The following LPCAT3 variants were observed in gnomAD, a reference collection of about 807,000 sequenced individuals.
The protein encoded by LPCAT3 is lysophosphatidylcholine acyltransferase 3, also known as lysophospholipid acyltransferase 5.
A neutral mutation model predicts 63.4 loss-of-function variants in LPCAT3; 21 were observed. That is an observed-to-expected ratio of 0.33 (90% CI 0.23 to 0.48). The LOEUF is 0.48. LPCAT3 is among the 20% of genes least tolerant of loss of function. The probability of loss-of-function intolerance (pLI) is 0.99; values close to 1 mark genes in which losing one functional copy is unlikely to be tolerated. For synonymous variants in LPCAT3, 242 were observed against 227.5 expected, an observed-to-expected ratio of 1.06 and a Z score of -0.58; for missense variants, 451 against 590.6, an observed-to-expected ratio of 0.76 and a Z score of 2.45.
chr12:7,012,953 G>A (rs1946773781), intron 1 of LPCAT3, among the ~76,000 whole-genome samples: 1 of 152,164 alleles, frequency 6.6e-6, no homozygotes, highest in Non-Finnish European at 1.5e-5. Flanking sequence ...ACCTATTCAA[G>A]TATTTATCGA....
At chr12:7,009,291 C>G (rs997095254) in intron 1 of LPCAT3, among the ~76,000 whole-genome samples, 1 of 152,190 alleles carries the variant, frequency 6.6e-6, no homozygotes, top group Non-Finnish European at 1.5e-5. Context: ...CAACTCCTGA[C>G]CTCAGGTGAT....
At chr12:7,006,528 C>T (rs782312914) in intron 1 of LPCAT3, among the ~76,000 whole-genome samples, 1 of 152,144 alleles carries the variant, frequency 6.6e-6, no homozygotes, top group African/African-American at 2.4e-5. Flanking sequence ...CGATGGTATA[C>T]ATTTTAAAAA....
chr12:6,977,054 T>G lies in LPCAT3; in HGVS notation c.*12+80A>C, dbSNP rs73264615. ...TAATCCTTGGAATTCACCCCAGATT[T>G]CTAATACTATTGTTTTTTTCCAGTC... On this transcript the variant is annotated intron_variant, in intron 12 of 12. Transcript: ENST00000261407. This position sits in a 1 kb window ranked among gnomAD's most constrained non-coding sequence, Gnocchi z 4.5. The G allele has an allele frequency of 5.3e-3, 4,771 of 895,414 alleles. 161 individuals are homozygous for G. In the African/African-American group the frequency reaches 0.069, roughly 13 times the overall value. 55.5% of individuals were successfully genotyped at this position (895,414 alleles called of 1,614,324 possible).
chr12:6,981,221 G>C lies in LPCAT3; in HGVS notation c.499-39C>G, dbSNP rs782526751. On this transcript the variant is annotated intron_variant, in intron 5 of 12. Transcript: ENST00000261407. ...AGAATGCATGGTTCAGGATAGCCTT[G>C]AATCTCCCCACAAGAGCCACTTTGA... The C allele has an allele frequency of 1.2e-5, 18 of 1,536,556 alleles. 1 individual carries two copies. Among genetic ancestry groups the C allele is most frequent in the South Asian group, 2.5e-5 (2 of 81,282 alleles).
intron 6 of LPCAT3, 189 bp downstream of exon 6, chr12:6,980,815 T>C: frequency 4.3e-6 from 2 of 460,430 alleles, no homozygotes; most frequent in East Asian, 3.4e-5. Flanking sequence ...AGTGTTAGAA[T>C]GGATAACTGG....
intron 6 of LPCAT3, chr12:6,980,075 C>A (rs1268459680): frequency 2.0e-5 from 3 of 148,724 alleles, no homozygotes; most frequent in African/African-American, 7.7e-5. Context: ...AGAGTCAGGG[C>A]CTTGCTCTGC....
At position 7,005,837 on chromosome 12, in the gene LPCAT3, C is replaced by T. The variant is rs1946721827; in HGVS notation, c.151+12437G>A. Among the ~76,000 whole-genome samples, 6 of 152,214 alleles carry T rather than the reference C, an allele frequency of 3.9e-5. No individual in the cohort carries two copies. In the South Asian group the frequency reaches 1.2e-3, roughly 32 times the overall value. On this transcript the variant is annotated intron_variant, in intron 1 of 12. Coordinates refer to ENST00000261407, the MANE Select transcript of LPCAT3 (RefSeq NM_005768.6). ...ATCTGAATACTAGACTTATGATTTACAAATATTTTCTCCTATTCTGTGGGA... is the reference window on the plus strand; with the variant it reads ...ATCTGAATACTAGACTTATGATTTATAAATATTTTCTCCTATTCTGTGGGA...
rs1555154285 is a variant in LPCAT3 at position 6,982,698 on chromosome 12, A to T, written c.344T>A (p.Leu115His). Residue 115 changes from leucine to histidine, a missense_variant, in exon 3 of 13, where the codon CTC (leucine) becomes CAC (histidine). This residue lies in a region of LPCAT3 where 133 missense variants were observed against 152.1 expected (regional missense o/e 0.87). Transcript: ENST00000261407. The stretch of plus-strand genomic sequence containing the variant: ...TACCATCTGGAAGCAAAAGGTAGTG[A>T]GGACGGCAGTGATGGTGCGGCCCAT... The part of the protein sequence containing the change: ...RLMGRTITAV[L>H]TTFCFQMAYL... 2 of 1,613,280 alleles carry T rather than the reference A, an allele frequency of 1.2e-6. No homozygotes were observed. Among genetic ancestry groups the T allele is most frequent in the African/African-American group, 2.7e-5 (2 of 74,918 alleles).
rs1946679777 is a variant in LPCAT3, at chr12:7,000,802, G to A, written c.152-17263C>T. ...GCTCACTGCAAGCTCCGCCTCCCGG[G>A]TTCACGCCATTCTCCTGCCTCAGCC... On this transcript the variant is annotated intron_variant, in intron 1 of 12. Transcript: ENST00000261407. Among the ~76,000 whole-genome samples, 3 of 151,502 alleles carry A rather than the reference G, an allele frequency of 2.0e-5. No individual in the cohort carries two copies. In the South Asian group the frequency reaches 6.3e-4, roughly 32 times the overall value.
chr12:7,007,986 A>G (rs1466014574), intron 1 of LPCAT3, among the ~76,000 whole-genome samples: 1 of 152,084 alleles, frequency 6.6e-6, no homozygotes, highest in Admixed American at 6.6e-5. Flanking sequence ...TATTACTAAC[A>G]GTTATTATAC....
Position 7,018,341 on chromosome 12 carries a change from A to G in LPCAT3, c.84T>C (p.Leu28=). ...CGCCCAGGGACGTCGCCAACTTGTT[A>G]AGGCTCAGCTCCTGGAAACCCGACT... ...VLQSGFQELS[L]NKLATSLGAS... is the part of the protein sequence containing the mutation. Residue 28 remains leucine, a synonymous_variant, in exon 1 of 13, where the codon CTT becomes CTC. Coordinates refer to ENST00000261407, the MANE Select transcript of LPCAT3 (RefSeq NM_005768.6). The surrounding 1 kb of genome is among the most constrained non-coding windows in gnomAD (Gnocchi z 4.9). 6.2e-7 allele frequency: 1 copy of G among 1,611,904 alleles called. No homozygotes were observed. Among genetic ancestry groups the G allele is most frequent in the Non-Finnish European group, 8.5e-7 (1 of 1,179,226 alleles).
chr12:6,978,917 A>G, intron 7 of LPCAT3: 1 of 552,842 alleles, frequency 1.8e-6, no homozygotes, highest in East Asian at 3.2e-5. Flanking sequence ...CAAGGGCAGC[A>G]CTGTATTTAA....
intron 1 of LPCAT3, among the ~76,000 whole-genome samples, chr12:6,985,716 A>G (rs1306724692): frequency 6.6e-6 from 1 of 152,010 alleles, no homozygotes; most frequent in Admixed American, 6.5e-5. Flanking sequence ...CTCTGTCTCA[A>G]AACAAACAAA....
In LPCAT3 at chr12:6,977,229, A is replaced by G. The variant is rs781810040; in HGVS notation, c.1381T>C (p.Phe461Leu). 1.2e-6 allele frequency: 2 copies of G among 1,614,042 alleles called. No homozygotes were observed. Among genetic ancestry groups the G allele is most frequent in the Non-Finnish European group, 8.5e-7 (1 of 1,179,866 alleles). ...YKSIYFLGHI[F>L]FLSLLFILPY... Reference sequence around the variant, plus strand: ...AATATGAATAGTAGGCTCAGGAAGAAGATGTGGCCAAGGAAATAGATGGAT... The same window carrying G: ...AATATGAATAGTAGGCTCAGGAAGAGGATGTGGCCAAGGAAATAGATGGAT... Residue 461 changes from phenylalanine to leucine, a missense_variant, in exon 12 of 13, where the codon TTC becomes CTC. Physicochemically the swap from Phe to Leu is conservative, Grantham distance 22. Coordinates refer to ENST00000261407, the MANE Select transcript of LPCAT3 (RefSeq NM_005768.6). This position sits in a 1 kb window ranked among gnomAD's most constrained non-coding sequence, Gnocchi z 4.5.
rs967137791 is a variant in LPCAT3, at chr12:6,977,003, C to A, written c.*13-112G>T. ...TCAATAAGTCACAGTAGTCATTGCC[C>A]ATACTGTGTTCCTTAGTAGCCAGGC... is the stretch of plus-strand genomic sequence containing the variant. On this transcript the variant is annotated intron_variant, in intron 12 of 12. Transcript: ENST00000261407. This position sits in a 1 kb window ranked among gnomAD's most constrained non-coding sequence, Gnocchi z 4.5. 11 of 668,360 alleles carry A rather than the reference C, an allele frequency of 1.6e-5. No homozygotes were observed. Among genetic ancestry groups the A allele is most frequent in the Non-Finnish European group, 2.7e-5 (10 of 371,264 alleles). The allele number at this position is 668,360 out of a possible 1,614,324, so 41.4% of individuals were successfully genotyped here.
In LPCAT3 at chr12:6,978,628, T is replaced by C; in HGVS notation, c.848A>G (p.Lys283Arg). 1 of 1,614,194 alleles carries C rather than the reference T, an allele frequency of 6.2e-7. No individual in the cohort carries two copies. ...TGTGACCAGCCAACAGGTGACATAT[T>C]TGTACAGCACAAACTTGCCCCAGAT... ...MLIWGKFVLY[K>R]YVTCWLVTEG... The change falls in exon 8 of 13, where the codon AAA (lysine) becomes AGA (arginine). Residue 283 changes from lysine to arginine, a missense_variant. Physicochemically the swap from Lys to Arg is conservative, Grantham distance 26. Transcript: ENST00000261407.
chr12:7,009,441 C>T (rs1946747724), intron 1 of LPCAT3, among the ~76,000 whole-genome samples: 2 of 152,188 alleles, frequency 1.3e-5, no homozygotes, highest in South Asian at 4.1e-4. Context: ...ATTAGTAATC[C>T]TCAAACTCTA....
At chr12:6,991,329 A>G (rs755762989) in intron 1 of LPCAT3, among the ~76,000 whole-genome samples, 8 of 152,250 alleles carry the variant, frequency 5.3e-5, no homozygotes, top group Non-Finnish European at 1.2e-4. Context: ...CTTAACAGTT[A>G]GGAACTTTTG....
At chr12:6,991,447 T>C (rs1946589887) in intron 1 of LPCAT3, among the ~76,000 whole-genome samples, 1 of 152,244 alleles carries the variant, frequency 6.6e-6, no homozygotes, top group Non-Finnish European at 1.5e-5. Flanking sequence ...TCCCTGTTGT[T>C]AGGCAGATCT....
Sources: allele counts gnomAD v4.1 joint callset (sites outside exome capture counted in the v4.1 genomes callset), GRCh38; gene constraint gnomAD v4.1.1; regional missense constraint gnomAD v4.1.1; non-coding constraint Gnocchi (gnomAD v3.1); transcripts MANE v1.5; gene names NCBI Gene and HGNC (gene_info 2026-07-23, HGNC 2026-07-21).